The following LHFPL3 variants were observed in gnomAD, a reference collection of about 807,000 sequenced individuals.
LHFPL3 encodes the protein LHFPL tetraspan subfamily member 3, also known as LHFPL tetraspan subfamily member 3 protein.
A neutral mutation model predicts 19.3 loss-of-function variants in LHFPL3; 5 were observed. The ratio of observed to expected loss-of-function variants is 0.26; its 90% CI spans 0.14 to 0.54. The LOEUF (loss-of-function observed/expected upper bound fraction) is 0.54, where lower values mean the gene tolerates loss of function less well. Among genes scored for constraint, LHFPL3 ranks in the 20% least tolerant of loss-of-function variants. The pLI is 0.94. For synonymous variants in LHFPL3, 133 were observed against 126.2 expected (o/e 1.05, Z -0.36); for missense variants, 249 against 307.4 (o/e 0.81, Z 1.42).
chr7:104,523,323 C>T (rs1160567925), intron 1 of LHFPL3, among the ~76,000 whole-genome samples: 1 of 152,104 alleles, frequency 6.6e-6, no homozygotes, highest in Admixed American at 6.6e-5. Flanking sequence ...ATAAAACACA[C>T]ATACACTGGA....
At chr7:104,716,145 G>C (rs183787650) in intron 1 of LHFPL3, among the ~76,000 whole-genome samples, 1 of 152,142 alleles carries the variant, frequency 6.6e-6, no homozygotes, top group African/African-American at 2.4e-5. Flanking sequence ...TCAGGAGTTC[G>C]AGACCAGCCT....
Position 104,427,887 on chromosome 7 carries a change from G to A in LHFPL3, c.445+98663G>A, listed in dbSNP as rs77664048. ...ACACCTCGTGCATCAGTTTTTGCTG[G>A]TGATGAGCATCAGGAATGAGAAATA... On this transcript the variant is annotated intron_variant, in intron 1 of 2. Coordinates refer to ENST00000424859, the MANE Select transcript of LHFPL3 (RefSeq NM_199000.3). Among the ~76,000 whole-genome samples, 409 of 152,306 alleles carry A rather than the reference G, an allele frequency of 2.7e-3. 1 individual carries two copies. Among genetic ancestry groups the A allele is most frequent in the African/African-American group, 9.3e-3 (386 of 41,570 alleles).
chr7:104,619,773 G>A (rs1791410879), intron 1 of LHFPL3, among the ~76,000 whole-genome samples: 1 of 152,100 alleles, frequency 6.6e-6, no homozygotes, highest in South Asian at 2.1e-4. Flanking sequence ...CAAGGATCAT[G>A]TAATACAGTA....
At chr7:104,426,981 A>G (rs1332527111) in intron 1 of LHFPL3, among the ~76,000 whole-genome samples, 3 of 152,196 alleles carry the variant, frequency 2.0e-5, no homozygotes, top group East Asian at 1.9e-4. Context: ...AAAAATATAT[A>G]ATGAATAAAA....
At chr7:104,333,052 T>C (rs556149657) in intron 1 of LHFPL3, among the ~76,000 whole-genome samples, 12 of 152,154 alleles carry the variant, frequency 7.9e-5, no homozygotes, top group African/African-American at 2.6e-4. Flanking sequence ...TTTTAAAAAA[T>C]CAGGATAGAA....
At chr7:104,528,449 C>G (rs968724389) in intron 1 of LHFPL3, among the ~76,000 whole-genome samples, 4 of 151,902 alleles carry the variant, frequency 2.6e-5, no homozygotes, top group Non-Finnish European at 5.9e-5. Context: ...TTTCTTTTAC[C>G]CCAGGCAGAT....
At position 104,755,777 on chromosome 7, in the gene LHFPL3, C is replaced by T. The variant is rs75408773; in HGVS notation, c.682+18866C>T. Reference sequence around the variant, plus strand: ...ATGGCACAATCTTGGCTCACCACAACCTCTGCCTCCTGGGTTCAAGCGATT... The same window carrying T: ...ATGGCACAATCTTGGCTCACCACAATCTCTGCCTCCTGGGTTCAAGCGATT... On this transcript the variant is annotated intron_variant, in intron 2 of 2. Coordinates refer to ENST00000424859, the MANE Select transcript of LHFPL3 (RefSeq NM_199000.3). 4.6e-3 allele frequency among the ~76,000 whole-genome samples: 695 copies of T among 152,330 alleles called. 29 individuals are homozygous for T. The East Asian group carries it at 0.1, about 22-fold the overall frequency.
chr7:104,745,325 A>G (rs1794019763), intron 2 of LHFPL3, among the ~76,000 whole-genome samples: 1 of 152,234 alleles, frequency 6.6e-6, no homozygotes, highest in Admixed American at 6.5e-5. Flanking sequence ...CTGTGAGGAA[A>G]TGGAGAAGGG....
intron 1 of LHFPL3, among the ~76,000 whole-genome samples, chr7:104,338,415 A>G (rs1168950229): frequency 2.0e-5 from 3 of 152,072 alleles, no homozygotes; most frequent in Non-Finnish European, 4.4e-5. Flanking sequence ...TTTATTTTCT[A>G]AAAATATTTA....
intron 2 of LHFPL3, among the ~76,000 whole-genome samples, chr7:104,760,471 T>C (rs1157015843): frequency 1.3e-5 from 2 of 152,230 alleles, no homozygotes; most frequent in Non-Finnish European, 2.9e-5. Flanking sequence ...GCAGAAATGA[T>C]ACATGTGGAT....
At chr7:104,608,172 T>A (rs1168256134) in intron 1 of LHFPL3, among the ~76,000 whole-genome samples, 1 of 152,154 alleles carries the variant, frequency 6.6e-6, no homozygotes, top group Non-Finnish European at 1.5e-5. Flanking sequence ...TTATAAATCA[T>A]GCTGCTATAA....
intron 1 of LHFPL3, among the ~76,000 whole-genome samples, chr7:104,602,876 A>T (rs1318070017): frequency 6.6e-6 from 1 of 152,128 alleles, no homozygotes; most frequent in African/African-American, 2.4e-5. Context: ...CTAAAGAACA[A>T]GAGAGAAAAG....
At chr7:104,334,768 G>A (rs1365348999) in intron 1 of LHFPL3, among the ~76,000 whole-genome samples, 1 of 152,206 alleles carries the variant, frequency 6.6e-6, no homozygotes, top group African/African-American at 2.4e-5. Context: ...CTTTATTACA[G>A]CATTGGGAGA....
At chr7:104,536,205 T>C (rs1245347040) in intron 1 of LHFPL3, among the ~76,000 whole-genome samples, 1 of 152,164 alleles carries the variant, frequency 6.6e-6, no homozygotes, top group African/African-American at 2.4e-5. Context: ...GTCTTAAAGG[T>C]TTCTAAGTTT....
Position 104,475,894 on chromosome 7 carries a change from G to A in LHFPL3, c.445+146670G>A, listed in dbSNP as rs530558401. On this transcript the variant is annotated intron_variant, in intron 1 of 2. Transcript: ENST00000424859. The stretch of plus-strand genomic sequence containing the variant: ...TGAAATAACATAAAATTTATCAAAC[G>A]ATGATTTTTTTACTAGCAATTGTTT... Among the ~76,000 whole-genome samples the A allele has an allele frequency of 4.6e-5, 7 of 152,186 alleles. No individual in the cohort carries two copies. The East Asian group carries it at 1.4e-3, about 29-fold the overall frequency.
chr7:104,479,301 G>C (rs1261288638), intron 1 of LHFPL3, among the ~76,000 whole-genome samples: 3 of 152,090 alleles, frequency 2.0e-5, no homozygotes, highest in African/African-American at 7.2e-5. Context: ...GCCATTCTGA[G>C]GGACGCCATG....
intron 2 of LHFPL3, among the ~76,000 whole-genome samples, chr7:104,863,640 A>G (rs1016381663): frequency 6.6e-6 from 1 of 152,242 alleles, no homozygotes; most frequent in South Asian, 2.1e-4. Context: ...CTTGGTTCTC[A>G]CATAACCCTA....
chr7:104,594,520 G>A lies in LHFPL3; in HGVS notation c.446-142155G>A, dbSNP rs1308047291. ...GAATCTGACAATGATGTGTCTTGAG[G>A]TTGCTCTTCTGGAGGAGTATCTTTG... On this transcript the variant is annotated intron_variant, in intron 1 of 2. Coordinates refer to ENST00000424859, the MANE Select transcript of LHFPL3 (RefSeq NM_199000.3). 2.0e-5 allele frequency among the ~76,000 whole-genome samples: 3 copies of A among 152,062 alleles called. No homozygotes were observed. In the East Asian group the frequency reaches 5.8e-4, roughly 29 times the overall value.
At chr7:104,550,752 T>A (rs1794648522) in intron 1 of LHFPL3, among the ~76,000 whole-genome samples, 1 of 152,178 alleles carries the variant, frequency 6.6e-6, no homozygotes, top group South Asian at 2.1e-4. Context: ...ATGATTTGCA[T>A]TTCTTAGAGA....
Sources: allele counts gnomAD v4.1 joint callset (sites outside exome capture counted in the v4.1 genomes callset), GRCh38; gene constraint gnomAD v4.1.1; transcripts MANE v1.5; gene names NCBI Gene and HGNC (gene_info 2026-07-23, HGNC 2026-07-21).